The following GRIP2 variants were observed in gnomAD, a reference collection of about 807,000 sequenced individuals.
The protein encoded by GRIP2 is glutamate receptor-interacting protein 2.
A neutral mutation model predicts 108.3 loss-of-function variants in GRIP2; 58 were observed. The observed-to-expected ratio is 0.54, with a 90% CI of 0.43 to 0.67. GRIP2 has a LOEUF of 0.67. Ranked by LOEUF, GRIP2 falls within the 30% of genes least tolerant of loss-of-function variation. GRIP2 has a pLI of 0.00. For missense variants in GRIP2, 1,278 were observed against 1,430.6 expected (o/e 0.89, Z 1.72); for synonymous variants, 586 against 598.2 (o/e 0.98, Z 0.30).
chr3:14,517,667 C>T lies in GRIP2; in HGVS notation c.1156+105G>A. ...CAGGCGTGCACCACCACACCCAGCT[C>T]ACTAATCTCTGAGTCTGAGTTTCCT... is the stretch of plus-strand genomic sequence containing the variant. On this transcript the variant is annotated intron_variant, in intron 10 of 23. Coordinates refer to ENST00000621039, the MANE Select transcript of GRIP2 (RefSeq NM_001080423.4). 2.8e-6 allele frequency: 4 copies of T among 1,428,690 alleles called. No homozygotes were observed. The East Asian group carries it at 9.9e-5, about 35-fold the overall frequency. 88.5% of individuals were successfully genotyped at this position (1,428,690 alleles called of 1,614,324 possible).
chr3:14,581,407 A>C, the GRIP2 span, among the ~76,000 whole-genome samples: 1 of 152,184 alleles, frequency 6.6e-6, no homozygotes, highest in Non-Finnish European at 1.5e-5. Context: ...CTGACTGCAG[A>C]GGGGGTCTCC....
rs760600793 is a variant in GRIP2, at chr3:14,520,400, C to CGCTG, written c.846_849dup (p.Val284GlnfsTer30). 1.2e-6 allele frequency: 2 copies of CGCTG among 1,612,048 alleles called. No individual in the cohort carries two copies. Among genetic ancestry groups the CGCTG allele is most frequent in the Non-Finnish European group, 1.7e-6 (2 of 1,179,150 alleles). ...CAGGGTGTGCCTTACCTGTCCACCA[C>CGCTG]GCTGGCTGGCTTGATGCGGTCGATG... On this transcript the variant is annotated frameshift_variant, in exon 8 of 24. Coordinates refer to ENST00000621039, the MANE Select transcript of GRIP2 (RefSeq NM_001080423.4). LOFTEE classifies it high-confidence loss of function.
rs767795167 is a variant in GRIP2, at chr3:14,513,789, C to A, written c.1515G>T (p.Gly505=). ...TGCCATTGATGGACAGGACACGGTC[C>A]CCCACCTGCAGCAGCCCACACCTGA... ...PAERCGLLQV[G]DRVLSINGIA... is the part of the protein sequence containing the mutation. Residue 505 remains glycine, a synonymous_variant, in exon 13 of 24, where the codon GGG becomes GGT. Transcript: ENST00000621039. 1 of 1,612,988 alleles carries A rather than the reference C, an allele frequency of 6.2e-7. No homozygotes were observed.
At chr3:14,590,001 T>G in the GRIP2 span, among the ~76,000 whole-genome samples, 1 of 152,074 alleles carries the variant, frequency 6.6e-6, no homozygotes, top group Non-Finnish European at 1.5e-5. Context: ...CCATGTTACC[T>G]AGGCTGGTCT....
At chr3:14,524,326 T>G in intron 4 of GRIP2, 67 bp downstream of exon 4, 8 of 1,534,522 alleles carry the variant, frequency 5.2e-6, no homozygotes, top group Non-Finnish European at 7.0e-6. Context: ...CAGGCCCTGG[T>G]GGGGAGGTAG....
upstream of GRIP2, among the ~76,000 whole-genome samples, chr3:14,543,294 G>C (rs1343326620): frequency 6.6e-6 from 1 of 152,222 alleles, no homozygotes; most frequent in Admixed American, 6.5e-5. Flanking sequence ...CAAATCAAAA[G>C]CTGCATGTTA....
chr3:14,558,761 A>G (rs1695272491), upstream of GRIP2, among the ~76,000 whole-genome samples: 1 of 152,120 alleles, frequency 6.6e-6, no homozygotes, highest in Admixed American at 6.5e-5. Flanking sequence ...CCCACCCCAG[A>G]GACCCCACAG....
upstream of GRIP2, among the ~76,000 whole-genome samples, chr3:14,546,934 T>A (rs1297848950): frequency 6.6e-6 from 1 of 152,090 alleles, no homozygotes; most frequent in Non-Finnish European, 1.5e-5. Context: ...GCCACCTGTG[T>A]CCCAGTACCC....
At chr3:14,562,507 T>C in the GRIP2 span, among the ~76,000 whole-genome samples, 1 of 152,222 alleles carries the variant, frequency 6.6e-6, no homozygotes, top group African/African-American at 2.4e-5. Context: ...CATTTTTCTA[T>C]GAACAGATAC....
chr3:14,526,207 C>T (rs141799586), intron 1 of GRIP2, among the ~76,000 whole-genome samples: 97 of 152,336 alleles, frequency 6.4e-4, no homozygotes, highest in Admixed American at 3.6e-3. Flanking sequence ...CTCAACAACC[C>T]TGTGAATGTT....
chr3:14,536,480 C>G (rs1362145409), intron 1 of GRIP2, among the ~76,000 whole-genome samples: 1 of 152,204 alleles, frequency 6.6e-6, no homozygotes, highest in East Asian at 1.9e-4. Flanking sequence ...GGTGACAGCT[C>G]CAGTATCCCA....
chr3:14,512,928 C>T lies in GRIP2; in HGVS notation c.1640-71G>A, dbSNP rs184672813. On this transcript the variant is annotated intron_variant, in intron 13 of 23. Coordinates refer to ENST00000621039, the MANE Select transcript of GRIP2 (RefSeq NM_001080423.4). The surrounding 1 kb of genome is among the most constrained non-coding windows in gnomAD (Gnocchi z 5.1). ...GCCTCAGCGAACCCCAGCCCCATGC[C>T]CATTCTGGCTGTGCTGGGAGTGACC... The T allele has an allele frequency of 1.0e-4, 140 of 1,383,266 alleles. No homozygotes were observed. The East Asian group carries it at 3.1e-3, about 31-fold the overall frequency. The allele number at this position is 1,383,266 out of a possible 1,614,324, so 85.7% of individuals were successfully genotyped here. A position where few individuals can be genotyped will look rare whatever the true frequency, so the allele number is the denominator to read the frequency against.
At chr3:14,527,018 C>A (rs1694574101) in intron 1 of GRIP2, among the ~76,000 whole-genome samples, 1 of 152,132 alleles carries the variant, frequency 6.6e-6, no homozygotes, top group African/African-American at 2.4e-5. Context: ...GAAACCCCAT[C>A]TCTACAAAAA....
upstream of GRIP2, chr3:14,556,141 G>A: frequency 2.5e-6 from 1 of 396,012 alleles, no homozygotes; most frequent in Non-Finnish European, 4.4e-6. Context: ...TGGCATTGGT[G>A]GCGGCAAGGC....
chr3:14,562,068 G>C, the GRIP2 span, among the ~76,000 whole-genome samples: 1 of 152,230 alleles, frequency 6.6e-6, no homozygotes, highest in African/African-American at 2.4e-5. Flanking sequence ...AACATGTTGC[G>C]AGGTGAAAGC....
At chr3:14,572,949 T>C in the GRIP2 span, 3 of 1,447,788 alleles carry the variant, frequency 2.1e-6, no homozygotes, top group South Asian at 2.3e-5. Context: ...AGGATAGAAG[T>C]AGAAGAGGAC....
intron 4 of GRIP2, 116 bp from the exon 5 acceptor site, chr3:14,523,814 G>A (rs776184110): frequency 1.4e-6 from 1 of 729,140 alleles, no homozygotes; most frequent in Non-Finnish European, 2.4e-6. Flanking sequence ...TACAGGGAGG[G>A]TAAACCCTTG....
In GRIP2 at chr3:14,511,404, T is replaced by A; in HGVS notation, c.1787+9A>T. ...GGCCACTTCCCTTCCTGTGCCCCAG[T>A]GCCCCTACCTGTGTGCCACGCTGCC... On this transcript the variant is annotated intron_variant, in intron 15 of 23. Coordinates refer to ENST00000621039, the MANE Select transcript of GRIP2 (RefSeq NM_001080423.4). This position sits in a 1 kb window ranked among gnomAD's most constrained non-coding sequence, Gnocchi z 4.1. 1.2e-6 allele frequency: 2 copies of A among 1,613,998 alleles called. No individual in the cohort carries two copies. Among genetic ancestry groups the A allele is most frequent in the Non-Finnish European group, 1.7e-6 (2 of 1,179,880 alleles).
At chr3:14,524,102 A>G in intron 4 of GRIP2, 1 of 527,886 alleles carries the variant, frequency 1.9e-6, no homozygotes, top group East Asian at 3.3e-5. Context: ...GTGGTAGGTC[A>G]GGGAACGACT....
Sources: gnomAD v4.1 joint callset for allele counts (sites outside exome capture counted in the v4.1 genomes callset) on GRCh38, gnomAD v4.1.1 for gene constraint, Gnocchi (gnomAD v3.1) non-coding constraint, MANE v1.5 for transcripts, NCBI Gene and HGNC (gene_info 2026-07-23, HGNC 2026-07-21) for gene names.